The following CCSER1 variants were observed in gnomAD, a reference collection of about 807,000 sequenced individuals.
CCSER1 encodes serine-rich coiled-coil domain-containing protein 1.
Under a neutral mutation model 82.0 loss-of-function variants are expected in CCSER1, and 41 were observed. The observed-to-expected ratio is 0.50, with a 90% CI of 0.39 to 0.65. The LOEUF is 0.65. Ranked by LOEUF, CCSER1 falls within the 30% of genes least tolerant of loss-of-function variation. The pLI is 0.00. For synonymous variants in CCSER1, 414 were observed against 383.9 expected (o/e 1.08, Z -0.92); for missense variants, 1,119 against 1,064.2 (o/e 1.05, Z -0.72).
At chr4:91,126,917 A>G (rs886204329) in intron 10 of CCSER1, among the ~76,000 whole-genome samples, 2 of 152,012 alleles carry the variant, frequency 1.3e-5, no homozygotes, top group East Asian at 3.8e-4. Context: ...TGAAGTGGAC[A>G]GGATTGGTTT....
At chr4:90,863,208 C>T (rs560743194) in intron 8 of CCSER1, among the ~76,000 whole-genome samples, 11 of 151,628 alleles carry the variant, frequency 7.3e-5, no homozygotes, top group Admixed American at 4.0e-4. Flanking sequence ...TTTGTCCTTG[C>T]GATAGTTTCC....
At chr4:91,408,501 C>A (rs914206394) in intron 10 of CCSER1, among the ~76,000 whole-genome samples, 3 of 152,086 alleles carry the variant, frequency 2.0e-5, no homozygotes, top group Admixed American at 1.3e-4. Context: ...ATATTTTTAT[C>A]ATTTCCTATT....
chr4:90,911,874 G>A (rs145894371), intron 8 of CCSER1, among the ~76,000 whole-genome samples: 2,126 of 152,248 alleles, frequency 0.014, 23 homozygotes, highest in Non-Finnish European at 0.023. Flanking sequence ...ATAGAGCCTC[G>A]CTCATTGCTA....
chr4:91,125,017 T>A (rs149523390), intron 10 of CCSER1, among the ~76,000 whole-genome samples: 1 of 151,952 alleles, frequency 6.6e-6, no homozygotes, highest in East Asian at 1.9e-4. Context: ...ACTTCTTGGA[T>A]GTAAGTCCTA....
intron 10 of CCSER1, among the ~76,000 whole-genome samples, chr4:91,454,266 ACAAAGGCTC>A: frequency 6.6e-6 from 1 of 152,188 alleles, no homozygotes; most frequent in South Asian, 2.1e-4. Context: ...TGGTCGCCCT[ACAAAGGCTC>A]TGAGGAGAGA....
chr4:90,980,865 CCA>C lies in CCSER1; in HGVS notation c.2172+57421_2172+57422del, dbSNP rs1736050209. ...TATTAAGAGGTGAATACTCGAACTACCACAGTTACTCTTTCATTATAATGAAT... is the reference window on the plus strand; with the variant it reads ...TATTAAGAGGTGAATACTCGAACTACCAGTTACTCTTTCATTATAATGAAT... On this transcript the variant is annotated intron_variant, in intron 9 of 10. Transcript: ENST00000509176. Among the ~76,000 whole-genome samples the C allele has an allele frequency of 2.6e-5, 4 of 151,922 alleles. No homozygotes were observed. In the South Asian group the frequency reaches 8.3e-4, roughly 32 times the overall value.
intron 3 of CCSER1, among the ~76,000 whole-genome samples, chr4:90,350,744 A>G (rs1161725231): frequency 6.6e-6 from 1 of 152,126 alleles, no homozygotes; most frequent in Non-Finnish European, 1.5e-5. Flanking sequence ...TCAAAGAGAA[A>G]TTTTAAAAGA....
intron 10 of CCSER1, among the ~76,000 whole-genome samples, chr4:91,584,174 C>T (rs534753366): frequency 6.6e-6 from 1 of 151,578 alleles, no homozygotes; most frequent in African/African-American, 2.4e-5. Context: ...CTACCATGAT[C>T]TGCTTTCACC....
chr4:91,002,140 T>A (rs927105018), intron 9 of CCSER1, among the ~76,000 whole-genome samples: 3 of 152,200 alleles, frequency 2.0e-5, no homozygotes, highest in Non-Finnish European at 4.4e-5. Flanking sequence ...TCTGATAGGT[T>A]TTCCTTTGTA....
At position 91,075,896 on chromosome 4, in the gene CCSER1, G is replaced by C. The variant is rs560877047; in HGVS notation, c.2173-10054G>C. Among the ~76,000 whole-genome samples, 10 of 152,130 alleles carry C rather than the reference G, an allele frequency of 6.6e-5. No individual in the cohort carries two copies. In the South Asian group the frequency reaches 1.2e-3, roughly 19 times the overall value. On this transcript the variant is annotated intron_variant, in intron 9 of 10. Transcript: ENST00000509176. ...GTCAATAAGAGTCAGTAAAAATCAA[G>C]ATTGTGCATGTTTCCTAGCATAGGT... is the stretch of plus-strand genomic sequence containing the variant.
chr4:91,182,301 A>G (rs1734115124), intron 10 of CCSER1, among the ~76,000 whole-genome samples: 1 of 152,004 alleles, frequency 6.6e-6, no homozygotes, highest in South Asian at 2.1e-4. Context: ...CATAATCTCT[A>G]CCCCAAGTTA....
intron 10 of CCSER1, among the ~76,000 whole-genome samples, chr4:91,432,134 C>T (rs901241403): frequency 1.3e-5 from 2 of 152,122 alleles, no homozygotes; most frequent in African/African-American, 4.8e-5. Context: ...CTCTTGCTGC[C>T]TTGTAAAGAA....
intron 9 of CCSER1, among the ~76,000 whole-genome samples, chr4:90,925,987 C>A (rs2150261452): frequency 6.6e-6 from 1 of 151,938 alleles, no homozygotes; most frequent in East Asian, 1.9e-4. Context: ...TTAAACAAAT[C>A]AAAAATAAGT....
chr4:91,522,234 C>G (rs1273480127), intron 10 of CCSER1, among the ~76,000 whole-genome samples: 1 of 152,134 alleles, frequency 6.6e-6, no homozygotes, highest in East Asian at 1.9e-4. Context: ...TTCCATTGGT[C>G]TGTATATCTG....
At chr4:91,100,803 G>A (rs1724985649) in intron 10 of CCSER1, among the ~76,000 whole-genome samples, 1 of 152,058 alleles carries the variant, frequency 6.6e-6, no homozygotes, top group South Asian at 2.1e-4. Flanking sequence ...GTAGATCACT[G>A]ACCTTCCAAG....
chr4:90,638,763 C>T (rs1579635644), intron 6 of CCSER1, among the ~76,000 whole-genome samples: 1 of 152,206 alleles, frequency 6.6e-6, no homozygotes, highest in Non-Finnish European at 1.5e-5. Context: ...CAACAGTCCT[C>T]TTGGAGAGAT....
At position 90,313,099 on chromosome 4, in the gene CCSER1, A is replaced by T. The variant is rs1466391; in HGVS notation, c.1509+52A>T. On this transcript the variant is annotated intron_variant, in intron 3 of 10. Coordinates refer to ENST00000509176, the MANE Select transcript of CCSER1 (RefSeq NM_001145065.2). ...AATAAAATAATGCTGTCTATATCCG[A>T]CATGTTCATGTCTCTTGCAAAATGA... 2.9e-6 allele frequency: 4 copies of T among 1,357,538 alleles called. No homozygotes were observed. In the South Asian group the frequency reaches 5.0e-5, roughly 17 times the overall value. The allele number at this position is 1,357,538 out of a possible 1,614,324, so 84.1% of individuals were successfully genotyped here. A position where few individuals can be genotyped will look rare whatever the true frequency, so the allele number is the denominator to read the frequency against.
At chr4:91,449,820 AAGAT>A (rs1755773758) in intron 10 of CCSER1, among the ~76,000 whole-genome samples, 1 of 152,082 alleles carries the variant, frequency 6.6e-6, no homozygotes, top group African/African-American at 2.4e-5. Context: ...TTTTTGGAAA[AAGAT>A]AGAATTGGTC....
chr4:90,471,118 A>AAATAT, intron 5 of CCSER1, among the ~76,000 whole-genome samples: 1 of 152,284 alleles, frequency 6.6e-6, no homozygotes, highest in South Asian at 2.1e-4. Flanking sequence ...TGATATACTG[A>AAATAT]AATATAATGC....
Sources: gnomAD v4.1 joint callset for allele counts (sites outside exome capture counted in the v4.1 genomes callset) on GRCh38, gnomAD v4.1.1 for gene constraint, MANE v1.5 for transcripts, NCBI Gene and HGNC (gene_info 2026-07-23, HGNC 2026-07-21) for gene names.